NLK: variants seen among roughly 807,000 people sequenced by gnomAD.
NLK encodes serine/threonine-protein kinase NLK.
In NLK, 11 loss-of-function variants were observed where a neutral mutation model predicts 59.0. That is an observed-to-expected ratio of 0.19 (90% CI 0.12 to 0.31). NLK has a LOEUF of 0.31. Among genes scored for constraint, NLK ranks in the 10% least tolerant of loss-of-function variants. The pLI is 1.00. For synonymous variants in NLK, 235 were observed against 235.9 expected (o/e 1.00, Z 0.03); for missense variants, 410 against 661.1 (o/e 0.62, Z 4.16).
intron 1 of NLK, among the ~76,000 whole-genome samples, chr17:28,057,683 G>T (rs2142742544): frequency 6.6e-6 from 1 of 152,212 alleles, no homozygotes; most frequent in East Asian, 1.9e-4. Flanking sequence ...TAAATTTTAA[G>T]TTATTGTAGC....
At chr17:28,146,401 TGATGAC>T (rs912637146) in intron 3 of NLK, among the ~76,000 whole-genome samples, 13 of 151,338 alleles carry the variant, frequency 8.6e-5, no homozygotes, top group African/African-American at 3.2e-4. Flanking sequence ...ATGATGATGA[TGATGAC>T]GATGATGATG....
intron 1 of NLK, among the ~76,000 whole-genome samples, chr17:28,051,494 G>C (rs908425985): frequency 6.6e-5 from 10 of 151,878 alleles, no homozygotes; most frequent in African/African-American, 2.4e-4. Flanking sequence ...GAGTAGCTGG[G>C]ATTACAGGCA....
At chr17:28,185,302 T>A in intron 8 of NLK, 37 bp downstream of exon 8, 1 of 1,222,460 alleles carries the variant, frequency 8.2e-7, no homozygotes. Context: ...TTTAATGAAT[T>A]ACAAATACAT....
chr17:28,195,214 AG>A lies in NLK; in HGVS notation c.*579del, dbSNP rs920919969. 2.0e-5 allele frequency: 3 copies of A among 152,056 alleles called. No homozygotes were observed. Among genetic ancestry groups the A allele is most frequent in the African/African-American group, 7.2e-5 (3 of 41,398 alleles). The allele number at this position is 152,056 out of a possible 1,614,324, so 9.4% of individuals were successfully genotyped here. ...AGCCCTATAATTAGCTTCTCATTAG[AG>A]CCGTGATGGTGATGTGTGCTGTCTA... On this transcript the variant is annotated 3_prime_UTR_variant, in exon 11 of 11. Transcript: ENST00000407008.
chr17:28,043,200 C>T lies in NLK; in HGVS notation c.327C>T (p.Ala109=). Residue 109 remains alanine (A), a synonymous_variant, in exon 1 of 11, where the codon GCC becomes GCT. Coordinates refer to ENST00000407008, the MANE Select transcript of NLK (RefSeq NM_016231.5). ...PGQAPGPAAA[A]PAQVQAAAAA... is the part of the protein sequence containing the mutation. The stretch of plus-strand genomic sequence containing the variant: ...AGGCTCCTGGACCAGCTGCAGCAGC[C>T]CCAGCTCAGGTACAGGCTGCCGCAG... 1 of 1,613,966 alleles carries T rather than the reference C, an allele frequency of 6.2e-7. No individual in the cohort carries two copies. Among genetic ancestry groups the T allele is most frequent in the Non-Finnish European group, 8.5e-7 (1 of 1,179,888 alleles).
chr17:28,166,449 G>T (rs939570348), intron 5 of NLK, among the ~76,000 whole-genome samples: 5 of 152,068 alleles, frequency 3.3e-5, no homozygotes, highest in African/African-American at 1.2e-4. Flanking sequence ...GATAAATTTT[G>T]TTTTCTTTAG....
At chr17:28,063,134 G>A (rs1364268306) in intron 1 of NLK, among the ~76,000 whole-genome samples, 1 of 152,078 alleles carries the variant, frequency 6.6e-6, no homozygotes, top group Admixed American at 6.5e-5. Context: ...GTTTTGTTAT[G>A]TTGTCCAGGC....
chr17:28,179,872 G>GTTTTTTTTTT (rs34411493), intron 7 of NLK, among the ~76,000 whole-genome samples: 618 of 79,284 alleles, frequency 7.8e-3, no homozygotes, highest in Middle Eastern at 0.02. Flanking sequence ...AGCATTCTTG[G>GTTTTTTTTTT]TTTTTTTTTT....
At chr17:28,185,095 C>T in intron 7 of NLK, 84 bp from the exon 8 acceptor site, 1 of 717,194 alleles carries the variant, frequency 1.4e-6, no homozygotes. Context: ...GAACTGAGTA[C>T]TTACCTTATC....
chr17:28,204,061 C>G, the NLK span, among the ~76,000 whole-genome samples: 8 of 152,180 alleles, frequency 5.3e-5, no homozygotes, highest in Non-Finnish European at 1.0e-4. Context: ...GTGGAAGAGA[C>G]AGGGTGGAGG....
At chr17:28,108,105 G>A (rs1351527561) in intron 1 of NLK, among the ~76,000 whole-genome samples, 2 of 151,984 alleles carry the variant, frequency 1.3e-5, no homozygotes, top group Non-Finnish European at 2.9e-5. Flanking sequence ...GTGGTGGTGC[G>A]TGCATGTAGT....
chr17:28,131,558 A>C (rs996667575), intron 2 of NLK, among the ~76,000 whole-genome samples: 6 of 142,472 alleles, frequency 4.2e-5, no homozygotes, highest in Non-Finnish European at 9.0e-5. Flanking sequence ...TATTCTGCCC[A>C]CTTTTATATG....
chr17:28,201,211 G>C (rs1321277578), downstream of NLK, among the ~76,000 whole-genome samples: 1 of 152,028 alleles, frequency 6.6e-6, no homozygotes, highest in Non-Finnish European at 1.5e-5. Flanking sequence ...CTCCCGAGCA[G>C]CTGGGATTAC....
At chr17:28,156,464 G>C (rs1467622837) in intron 3 of NLK, among the ~76,000 whole-genome samples, 1 of 152,010 alleles carries the variant, frequency 6.6e-6, no homozygotes, top group Non-Finnish European at 1.5e-5. Flanking sequence ...TTTGAATAAG[G>C]TTCTAAACAA....
At chr17:28,131,348 TA>T (rs955324327) in intron 2 of NLK, among the ~76,000 whole-genome samples, 19 of 152,006 alleles carry the variant, frequency 1.2e-4, no homozygotes, top group Non-Finnish European at 2.5e-4. Context: ...TATTTGATGA[TA>T]TTTTTAAACA....
At chr17:28,063,418 A>G (rs530442722) in intron 1 of NLK, among the ~76,000 whole-genome samples, 1 of 152,326 alleles carries the variant, frequency 6.6e-6, no homozygotes, top group South Asian at 2.1e-4. Flanking sequence ...GATGATTTAT[A>G]TATATACACT....
intron 1 of NLK, among the ~76,000 whole-genome samples, chr17:28,083,126 G>A (rs924829236): frequency 6.6e-5 from 10 of 152,144 alleles, no homozygotes; most frequent in Non-Finnish European, 1.3e-4. Flanking sequence ...TTTGTTTTCA[G>A]TTATGAGCAC....
At chr17:28,182,155 G>C (rs1299713173) in intron 7 of NLK, among the ~76,000 whole-genome samples, 1 of 152,166 alleles carries the variant, frequency 6.6e-6, no homozygotes, top group African/African-American at 2.4e-5. Context: ...GACAGAGCTA[G>C]AACCTCACCT....
intron 5 of NLK, among the ~76,000 whole-genome samples, chr17:28,164,953 A>G (rs1336018617): frequency 1.3e-5 from 2 of 152,150 alleles, no homozygotes; most frequent in Admixed American, 1.3e-4. Flanking sequence ...ATAGCCTTGA[A>G]GAACCCTCAC....
Sources: gnomAD v4.1 joint callset for allele counts (sites outside exome capture counted in the v4.1 genomes callset) on GRCh38, gnomAD v4.1.1 for gene constraint, MANE v1.5 for transcripts, NCBI Gene and HGNC (gene_info 2026-07-23, HGNC 2026-07-21) for gene names.